The following ULK4 variants were observed in gnomAD, a reference collection of about 807,000 sequenced individuals.
ULK4 encodes unc-51 like kinase 4, also known as inactive serine/threonine-protein kinase ULK4.
A neutral mutation model predicts 160.6 loss-of-function variants in ULK4; 133 were observed. The observed-to-expected ratio is 0.83, with a 90% CI of 0.72 to 0.96. The LOEUF (loss-of-function observed/expected upper bound fraction) is 0.96, where lower values mean the gene tolerates loss of function less well. Among genes scored for constraint, ULK4 ranks in the 40% least tolerant of loss-of-function variants. The pLI, the probability that ULK4 is intolerant of heterozygous loss-of-function variation, is 0.00. For synonymous variants in ULK4, 534 were observed against 539.8 expected, an observed-to-expected ratio of 0.99 and a Z score of 0.15; for missense variants, 1,580 against 1,499.5, an observed-to-expected ratio of 1.05 and a Z score of -0.89.
At chr3:41,476,919 G>A (rs906635244) in intron 32 of ULK4, among the ~76,000 whole-genome samples, 1 of 152,176 alleles carries the variant, frequency 6.6e-6, no homozygotes, top group African/African-American at 2.4e-5. Context: ...CTAGTAGGTA[G>A]GTATAGGAAA....
chr3:41,715,357 A>AC, intron 24 of ULK4, 64 bp from the exon 25 acceptor site: 1 of 1,610,130 alleles, frequency 6.2e-7, no homozygotes, highest in Non-Finnish European at 8.5e-7. Context: ...GCTCAATAAA[A>AC]AAAAAATGTT....
rs969505296 is a variant in ULK4 at position 41,903,555 on chromosome 3, G to C, written c.1183-2726C>G. Among the ~76,000 whole-genome samples, 34 of 148,842 alleles carry C rather than the reference G, an allele frequency of 2.3e-4. 1 individual carries two copies. Among genetic ancestry groups the C allele is most frequent in the Admixed American group, 6.8e-4 (10 of 14,756 alleles). The stretch of plus-strand genomic sequence containing the variant: ...GCCAAGATCACACCGCTGCACTCCA[G>C]TCTGGGCAAACAGAGCGAGACTCTG... On this transcript the variant is annotated intron_variant, in intron 12 of 36. Transcript: ENST00000301831.
At chr3:41,543,303 A>C (rs2125955816) in intron 32 of ULK4, among the ~76,000 whole-genome samples, 1 of 152,230 alleles carries the variant, frequency 6.6e-6, no homozygotes, top group Admixed American at 6.5e-5. Flanking sequence ...ATATTCAAGG[A>C]GGTGCACCTG....
At chr3:41,899,661 T>C (rs985448256) in intron 13 of ULK4, among the ~76,000 whole-genome samples, 3 of 152,198 alleles carry the variant, frequency 2.0e-5, no homozygotes, top group Non-Finnish European at 4.4e-5. Context: ...ATTTTATGTG[T>C]GCCCCAAGAC....
intron 30 of ULK4, among the ~76,000 whole-genome samples, chr3:41,618,752 A>G (rs1245379585): frequency 6.6e-6 from 1 of 152,206 alleles, no homozygotes; most frequent in Non-Finnish European, 1.5e-5. Flanking sequence ...TCATGATGAC[A>G]GGATCAAATT....
At chr3:41,874,030 A>G (rs1697212540) in intron 17 of ULK4, among the ~76,000 whole-genome samples, 1 of 152,100 alleles carries the variant, frequency 6.6e-6, no homozygotes, top group Non-Finnish European at 1.5e-5. Flanking sequence ...CTATAGGGAA[A>G]AATAAGTCCA....
rs762282890 is a variant in ULK4, at chr3:41,853,363, C to A, written c.1657-17392G>T. On this transcript the variant is annotated intron_variant, in intron 17 of 36. Transcript: ENST00000301831. Reference sequence around the variant, plus strand: ...GACTAGAGACACTTCCATCCACCCCCAGAGATATGGATTAAATGATATGGG... The same window carrying A: ...GACTAGAGACACTTCCATCCACCCCAAGAGATATGGATTAAATGATATGGG... Among the ~76,000 whole-genome samples the A allele has an allele frequency of 6.8e-4, 103 of 152,210 alleles. 1 individual carries two copies. Among genetic ancestry groups the A allele is most frequent in the Non-Finnish European group, 2.9e-4 (20 of 68,004 alleles).
At chr3:41,672,253 A>G (rs1411884714) in intron 29 of ULK4, among the ~76,000 whole-genome samples, 1 of 152,174 alleles carries the variant, frequency 6.6e-6, no homozygotes, top group African/African-American at 2.4e-5. Context: ...TGTATCAAAG[A>G]AACACATGCA....
intron 34 of ULK4, among the ~76,000 whole-genome samples, chr3:41,420,608 G>A (rs750778305): frequency 6.8e-5 from 10 of 147,354 alleles, no homozygotes; most frequent in Non-Finnish European, 1.0e-4. Flanking sequence ...TTGGCCTCCC[G>A]AGCAGCTGAG....
intron 27 of ULK4, among the ~76,000 whole-genome samples, chr3:41,686,071 T>C (rs1437403966): frequency 6.6e-6 from 1 of 152,228 alleles, no homozygotes. Flanking sequence ...ACAGGTACTA[T>C]AGTCATTGAT....
At chr3:41,409,317 T>C (rs2082363056) in intron 34 of ULK4, among the ~76,000 whole-genome samples, 1 of 152,122 alleles carries the variant, frequency 6.6e-6, no homozygotes, top group Admixed American at 6.5e-5. Flanking sequence ...CTTGTGACCT[T>C]AGGTTAGACA....
At chr3:41,552,994 C>A (rs994893223) in intron 32 of ULK4, among the ~76,000 whole-genome samples, 4 of 151,938 alleles carry the variant, frequency 2.6e-5, no homozygotes, top group Non-Finnish European at 4.4e-5. Flanking sequence ...CAAAAACATA[C>A]AATGGAGATA....
intron 23 of ULK4, among the ~76,000 whole-genome samples, chr3:41,716,428 C>T (rs1008629254): frequency 6.6e-6 from 1 of 151,924 alleles, no homozygotes; most frequent in African/African-American, 2.4e-5. Flanking sequence ...AGGATAAGTC[C>T]GGTAATAAAG....
chr3:41,867,397 G>T (rs1028125233), intron 17 of ULK4, among the ~76,000 whole-genome samples: 4 of 152,096 alleles, frequency 2.6e-5, no homozygotes, highest in African/African-American at 9.7e-5. Context: ...GTTGTTTTGG[G>T]GGGGCAAGGT....
chr3:41,878,675 TAAAAAA>T (rs33987084), intron 17 of ULK4, among the ~76,000 whole-genome samples: 8 of 95,934 alleles, frequency 8.3e-5, no homozygotes, highest in African/African-American at 2.8e-4. Context: ...TTAAAACTGT[TAAAAAA>T]AAAAAAAAAA....
chr3:41,868,618 G>C (rs1388030205), intron 17 of ULK4, among the ~76,000 whole-genome samples: 1 of 152,062 alleles, frequency 6.6e-6, no homozygotes, highest in Non-Finnish European at 1.5e-5. Flanking sequence ...CTCCCAAATA[G>C]CTGCAATTAC....
chr3:41,768,099 T>C (rs1161825273), intron 21 of ULK4, among the ~76,000 whole-genome samples: 1 of 152,114 alleles, frequency 6.6e-6, no homozygotes, highest in East Asian at 1.9e-4. Flanking sequence ...ACGAGGGATC[T>C]AGGTTGCACA....
intron 22 of ULK4, among the ~76,000 whole-genome samples, chr3:41,751,892 G>C (rs953828300): frequency 9.9e-5 from 15 of 152,182 alleles, no homozygotes; most frequent in African/African-American, 3.6e-4. Context: ...CATAGGCTTA[G>C]TGTATTCAAA....
intron 35 of ULK4, among the ~76,000 whole-genome samples, chr3:41,374,721 T>G (rs1466746013): frequency 6.6e-6 from 1 of 152,152 alleles, no homozygotes; most frequent in Non-Finnish European, 1.5e-5. Context: ...CTTTGAAAAC[T>G]GGCACAAGAC....
Sources: allele counts gnomAD v4.1 joint callset (sites outside exome capture counted in the v4.1 genomes callset), GRCh38; gene constraint gnomAD v4.1.1; transcripts MANE v1.5; gene names NCBI Gene and HGNC (gene_info 2026-07-23, HGNC 2026-07-21).